KAZN: variants seen among roughly 807,000 people sequenced by gnomAD.
KAZN encodes the protein kazrin.
Under a neutral mutation model 87.4 loss-of-function variants are expected in KAZN, and 40 were observed. The ratio of observed to expected loss-of-function variants is 0.46; its 90% CI spans 0.36 to 0.60. KAZN has a LOEUF of 0.60. Among genes scored for constraint, KAZN ranks in the 20% least tolerant of loss-of-function variants. The pLI is 0.00. For synonymous variants in KAZN, 466 were observed against 458.3 expected (o/e 1.02, Z -0.22); for missense variants, 898 against 1,073.9 (o/e 0.84, Z 2.29).
At chr1:14,278,034 G>T (rs1652523438) in intron 2 of KAZN, among the ~76,000 whole-genome samples, 1 of 151,610 alleles carries the variant, frequency 6.6e-6, no homozygotes, top group African/African-American at 2.4e-5. Flanking sequence ...ATGTGGAGAG[G>T]TGGCAGGTGC....
At chr1:15,065,456 A>G (rs1173412983) in intron 7 of KAZN, among the ~76,000 whole-genome samples, 174 bp from the exon 8 acceptor site, 1 of 152,150 alleles carries the variant, frequency 6.6e-6, no homozygotes, top group Non-Finnish European at 1.5e-5. Flanking sequence ...TGACCTTGGC[A>G]TTCCAGCCCT....
At chr1:14,608,604 C>T (rs1176557268) in intron 1 of KAZN, among the ~76,000 whole-genome samples, 1 of 152,210 alleles carries the variant, frequency 6.6e-6, no homozygotes, top group Non-Finnish European at 1.5e-5. Context: ...CTGGGACCTT[C>T]TCCCCCAGAG....
At chr1:14,547,899 G>A (rs1217771640) in intron 2 of KAZN, among the ~76,000 whole-genome samples, 1 of 151,892 alleles carries the variant, frequency 6.6e-6, no homozygotes, top group East Asian at 1.9e-4. Context: ...AATACCACAA[G>A]GACAATCCAT....
intron 1 of KAZN, among the ~76,000 whole-genome samples, chr1:14,950,058 G>C (rs905251725): frequency 1.2e-4 from 19 of 152,110 alleles, no homozygotes; most frequent in African/African-American, 4.6e-4. Context: ...GACAAAGGCT[G>C]TATTACCTGA....
At chr1:14,047,977 T>G (rs1481097283) in intron 1 of KAZN, among the ~76,000 whole-genome samples, 1 of 152,130 alleles carries the variant, frequency 6.6e-6, no homozygotes, top group Non-Finnish European at 1.5e-5. Flanking sequence ...GAATTCAGGT[T>G]CAGTGTGATT....
chr1:14,506,596 A>G (rs1352645651), intron 2 of KAZN, among the ~76,000 whole-genome samples: 1 of 152,158 alleles, frequency 6.6e-6, no homozygotes, highest in Non-Finnish European at 1.5e-5. Flanking sequence ...GGGGATCATC[A>G]TTATATTTAT....
chr1:14,827,933 A>G (rs989031034), intron 1 of KAZN, among the ~76,000 whole-genome samples: 2 of 152,222 alleles, frequency 1.3e-5, no homozygotes, highest in African/African-American at 2.4e-5. Context: ...CCATTTGCAT[A>G]AAAGTTGGCT....
intron 2 of KAZN, among the ~76,000 whole-genome samples, chr1:14,425,882 G>A (rs929080201): frequency 2.0e-5 from 3 of 152,246 alleles, no homozygotes; most frequent in African/African-American, 4.8e-5. Flanking sequence ...TGTCTGATTC[G>A]AGAGCCCAGG....
At chr1:14,883,858 T>G (rs890488929) in intron 1 of KAZN, among the ~76,000 whole-genome samples, 1 of 152,178 alleles carries the variant, frequency 6.6e-6, no homozygotes, top group African/African-American at 2.4e-5. Context: ...CAAACACCCC[T>G]TACGGTTTGG....
chr1:14,741,868 A>G (rs1417066047), intron 1 of KAZN, among the ~76,000 whole-genome samples: 1 of 152,148 alleles, frequency 6.6e-6, no homozygotes, highest in East Asian at 1.9e-4. Flanking sequence ...ATGCATCTCA[A>G]CCTTGATGTT....
At chr1:14,910,061 T>TAAATAAATAATG (rs71000348) in intron 1 of KAZN, among the ~76,000 whole-genome samples, 8 of 147,240 alleles carry the variant, frequency 5.4e-5, no homozygotes, top group East Asian at 2.1e-4. Flanking sequence ...AATAAATAAA[T>TAAATAAATAATG]AATGAATGAA....
chr1:14,304,451 C>T (rs1216090974), intron 2 of KAZN: 2 of 394,420 alleles, frequency 5.1e-6, no homozygotes, highest in Non-Finnish European at 8.9e-6. Flanking sequence ...CCTCTATTTC[C>T]ATCCCACGAG....
intron 1 of KAZN, among the ~76,000 whole-genome samples, chr1:14,717,182 C>T (rs754590996): frequency 1.3e-5 from 2 of 151,620 alleles, no homozygotes; most frequent in South Asian, 2.1e-4. Flanking sequence ...CCCACTCCCC[C>T]CTACTCACTG....
intron 2 of KAZN, among the ~76,000 whole-genome samples, chr1:14,230,639 T>C (rs1006279831): frequency 1.3e-5 from 2 of 152,170 alleles, no homozygotes; most frequent in Non-Finnish European, 2.9e-5. Flanking sequence ...TAGAACAAGT[T>C]TCTTAGTGCA....
intron 1 of KAZN, among the ~76,000 whole-genome samples, chr1:13,926,403 C>T (rs1306787786): frequency 1.3e-5 from 2 of 152,080 alleles, no homozygotes; most frequent in African/African-American, 2.4e-5. Context: ...CTGAAATTTT[C>T]GAATTCCATG....
chr1:13,982,408 GC>G (rs1432952097), intron 1 of KAZN, among the ~76,000 whole-genome samples: 7 of 152,216 alleles, frequency 4.6e-5, no homozygotes, highest in Non-Finnish European at 7.3e-5. Flanking sequence ...GGTCTAGCTG[GC>G]TCAGGAGTGA....
At chr1:14,316,298 A>AT (rs1247310441) in intron 2 of KAZN, among the ~76,000 whole-genome samples, 2 of 151,770 alleles carry the variant, frequency 1.3e-5, no homozygotes, top group Non-Finnish European at 2.9e-5. Context: ...GTTTATTCGT[A>AT]TTTTTCAAGG....
At chr1:14,915,732 C>T in intron 1 of KAZN, among the ~76,000 whole-genome samples, 1 of 152,206 alleles carries the variant, frequency 6.6e-6, no homozygotes, top group South Asian at 2.1e-4. Flanking sequence ...CTGCCTTTTC[C>T]AGCCACATCA....
At chr1:14,022,139 TAGG>T (rs1640856953) in intron 1 of KAZN, among the ~76,000 whole-genome samples, 2 of 152,072 alleles carry the variant, frequency 1.3e-5, no homozygotes, top group Admixed American at 6.5e-5. Flanking sequence ...GAATAATGAC[TAGG>T]AGCTTTGGAT....
Sources: allele counts gnomAD v4.1 joint callset (sites outside exome capture counted in the v4.1 genomes callset), GRCh38; gene constraint gnomAD v4.1.1; transcripts MANE v1.5; gene names NCBI Gene and HGNC (gene_info 2026-07-23, HGNC 2026-07-21).